CYRIB: variants seen among roughly 807,000 people sequenced by gnomAD.
CYRIB encodes the protein CYFIP related Rac1 interactor B.
In CYRIB, 8 loss-of-function variants were observed where a neutral mutation model predicts 44.2. That is an observed-to-expected ratio of 0.18 (90% CI 0.11 to 0.33). The LOEUF is 0.33. Ranked by LOEUF, CYRIB falls within the 10% of genes least tolerant of loss-of-function variation. CYRIB has a pLI of 1.00. For missense variants in CYRIB, 185 were observed against 382.8 expected (o/e 0.48, Z 4.31); for synonymous variants, 131 against 127.2 (o/e 1.03, Z -0.20).
At position 129,855,749 on chromosome 8, in the gene CYRIB, T is replaced by C; in HGVS notation, c.302-2A>G. On this transcript the variant is annotated splice_acceptor_variant, in intron 5 of 11. Coordinates refer to ENST00000519824, the Ensembl canonical transcript of CYRIB. LOFTEE classifies it high-confidence loss of function. Reference sequence around the variant, plus strand: ...CCAGAAGACCTCTTAATGCTGCTTCTAAAGAAAAAAATTGAAAAAAACATT... The same window carrying C: ...CCAGAAGACCTCTTAATGCTGCTTCCAAAGAAAAAAATTGAAAAAAACATT... 1.3e-6 allele frequency: 2 copies of C among 1,592,120 alleles called. No homozygotes were observed. The highest frequency in any genetic ancestry group is 1.7e-6 in the Non-Finnish European group (2 of 1,171,520).
chr8:129,847,867 T>C (rs1253339631), intron 10 of CYRIB, among the ~76,000 whole-genome samples: 3 of 152,136 alleles, frequency 2.0e-5, no homozygotes, highest in East Asian at 1.9e-4. Context: ...AGTGGCGCAA[T>C]CTTGGTTCAC....
At chr8:129,880,657 A>C (rs2133946502) in intron 2 of CYRIB, among the ~76,000 whole-genome samples, 1 of 152,324 alleles carries the variant, frequency 6.6e-6, no homozygotes. Flanking sequence ...ATATCAAAAA[A>C]GTTACATAAA....
intron 5 of CYRIB, 33 bp from the exon 8 acceptor site, chr8:129,855,780 G>T (rs760103915): frequency 6.4e-7 from 1 of 1,568,242 alleles, no homozygotes; most frequent in Non-Finnish European, 8.7e-7. Context: ...ACATTAAGTT[G>T]TTTGTATCTG....
chr8:129,898,738 G>C (rs2069657268), intron 2 of CYRIB, among the ~76,000 whole-genome samples: 1 of 152,140 alleles, frequency 6.6e-6, no homozygotes, highest in African/African-American at 2.4e-5. Flanking sequence ...ATATGTACTT[G>C]AATAATTTTC....
intron 1 of CYRIB, among the ~76,000 whole-genome samples, chr8:130,001,529 T>C (rs1013051730): frequency 7.5e-5 from 11 of 146,926 alleles, no homozygotes; most frequent in East Asian, 3.9e-4. Context: ...TAATTTCTTT[T>C]TTTTTTTTTT....
chr8:129,980,504 A>C (rs2096182903), intron 1 of CYRIB, among the ~76,000 whole-genome samples: 1 of 152,118 alleles, frequency 6.6e-6, no homozygotes, highest in Non-Finnish European at 1.5e-5. Context: ...CCATTGATTT[A>C]ATAAACAATA....
intron 1 of CYRIB, among the ~76,000 whole-genome samples, chr8:129,910,488 T>C (rs1349776439): frequency 7.9e-6 from 1 of 126,342 alleles, no homozygotes; most frequent in Non-Finnish European, 1.8e-5. Context: ...TTTTTTTTTT[T>C]TTTTTTTTTT....
chr8:129,857,440 AG>A (rs1466190759), intron 5 of CYRIB, among the ~76,000 whole-genome samples: 1 of 152,212 alleles, frequency 6.6e-6, no homozygotes, highest in Non-Finnish European at 1.5e-5. Context: ...GACATACTTG[AG>A]GAACTGCAAC....
intron 1 of CYRIB, among the ~76,000 whole-genome samples, chr8:129,994,276 G>C (rs1410439704): frequency 1.3e-5 from 2 of 151,966 alleles, no homozygotes; most frequent in African/African-American, 2.4e-5. Flanking sequence ...AGCTGGGGGG[G>C]GTGGCATGGA....
chr8:129,919,904 A>G (rs1311089482), intron 1 of CYRIB, among the ~76,000 whole-genome samples: 2 of 152,124 alleles, frequency 1.3e-5, no homozygotes, highest in Non-Finnish European at 2.9e-5. Flanking sequence ...AACACCGGGT[A>G]AGATTTTTCA....
At chr8:129,987,568 C>CTTTTTTTTTTTTTTTTTTTTTTTT (rs34876735) in intron 1 of CYRIB, among the ~76,000 whole-genome samples, 1 of 127,024 alleles carries the variant, frequency 7.9e-6, no homozygotes, top group Non-Finnish European at 1.6e-5. Context: ...TTTTTTTTTT[C>CTTTTTTTTTTTTTTTTTTTTTTTT]TTTTTTTTTT....
chr8:129,924,049 C>T (rs1156587227), intron 1 of CYRIB, among the ~76,000 whole-genome samples: 1 of 145,344 alleles, frequency 6.9e-6, no homozygotes, highest in Non-Finnish European at 1.5e-5. Flanking sequence ...GGCAGGAGAA[C>T]TGCCTGAGCC....
rs62524567 is a variant in CYRIB at position 129,967,227 on chromosome 8, G to A, written c.-243+3716C>T. Among the ~76,000 whole-genome samples, 459 of 152,234 alleles carry A rather than the reference G, an allele frequency of 3.0e-3. 1 individual carries two copies. Among genetic ancestry groups the A allele is most frequent in the Non-Finnish European group, 4.6e-3 (312 of 68,010 alleles). On this transcript the variant is annotated intron_variant, in intron 2 of 14. Coordinates refer to the CYRIB transcript ENST00000401979. ...ACCATGTTCATTTCTTCCAAACTCC[G>A]TGTTCAGTGGCATCATGTTGGTAGC...
intron 1 of CYRIB, among the ~76,000 whole-genome samples, chr8:129,973,212 G>C (rs2095786667): frequency 6.6e-6 from 1 of 152,210 alleles, no homozygotes; most frequent in South Asian, 2.1e-4. Context: ...AACTCAGCAG[G>C]GGATGGAAAG....
At chr8:129,955,252 CAAAAA>C (rs34829432) in intron 2 of CYRIB, among the ~76,000 whole-genome samples, 1 of 102,862 alleles carries the variant, frequency 9.7e-6, no homozygotes, top group Non-Finnish European at 2.0e-5. Context: ...AACTCCGTCT[CAAAAA>C]AAAAAAAAAA....
intron 7 of CYRIB, among the ~76,000 whole-genome samples, chr8:129,852,535 G>A (rs1173560243): frequency 6.6e-6 from 1 of 152,146 alleles, no homozygotes; most frequent in Non-Finnish European, 1.5e-5. Flanking sequence ...GATTCTAAAT[G>A]TTATGGAGGA....
chr8:129,859,406 GGGCCTGACTAATGTCA>G (rs1454920886), intron 5 of CYRIB, among the ~76,000 whole-genome samples: 1 of 151,352 alleles, frequency 6.6e-6, no homozygotes, highest in Non-Finnish European at 1.5e-5. Flanking sequence ...AACTGCAGGT[GGGCCTGACTAATGTCA>G]GGCCCTCCAC....
intron 2 of CYRIB, among the ~76,000 whole-genome samples, chr8:129,953,661 A>G (rs2094621707): frequency 6.6e-6 from 1 of 152,180 alleles, no homozygotes; most frequent in Non-Finnish European, 1.5e-5. Context: ...GCGGGCACTC[A>G]ACAAACAGCT....
intron 1 of CYRIB, among the ~76,000 whole-genome samples, chr8:129,916,985 A>C (rs2081100117): frequency 6.6e-6 from 1 of 152,200 alleles, no homozygotes; most frequent in African/African-American, 2.4e-5. Flanking sequence ...TCATTTGTCA[A>C]ATGGAGTTAA....
Sources: gnomAD v4.1 joint callset for allele counts (sites outside exome capture counted in the v4.1 genomes callset) on GRCh38, gnomAD v4.1.1 for gene constraint, MANE v1.5 for transcripts, NCBI Gene and HGNC (gene_info 2026-07-23, HGNC 2026-07-21) for gene names.